The following GPC5 variants were observed in gnomAD, a reference collection of about 807,000 sequenced individuals.
The protein encoded by GPC5 is glypican-5.
GPC5 carries 47 observed loss-of-function variants against 53.9 expected under a neutral mutation model. The ratio of observed to expected loss-of-function variants is 0.87; its 90% CI spans 0.69 to 1.11. The LOEUF (loss-of-function observed/expected upper bound fraction) is 1.11, where lower values mean the gene tolerates loss of function less well. GPC5 is among the 50% of genes most tolerant of loss of function. The probability of loss-of-function intolerance (pLI) is 0.00; values close to 1 mark genes in which losing one functional copy is unlikely to be tolerated. For missense variants in GPC5, 748 were observed against 713.1 expected (o/e 1.05, Z -0.56); for synonymous variants, 286 against 263.3 (o/e 1.09, Z -0.84).
chr13:91,585,179 G>A (rs781457521), intron 2 of GPC5, among the ~76,000 whole-genome samples: 76 of 152,080 alleles, frequency 5.0e-4, no homozygotes, highest in Admixed American at 2.6e-3. Flanking sequence ...TTGACAAGAT[G>A]ATGAATTCTC....
At chr13:92,821,935 A>G (rs2138810885) in intron 7 of GPC5, among the ~76,000 whole-genome samples, 1 of 151,902 alleles carries the variant, frequency 6.6e-6, no homozygotes, top group South Asian at 2.1e-4. Context: ...AAGAAAAAAA[A>G]TGGGAGGGAA....
chr13:92,737,361 C>G (rs1319402302), intron 7 of GPC5, among the ~76,000 whole-genome samples: 1 of 152,068 alleles, frequency 6.6e-6, no homozygotes, highest in Non-Finnish European at 1.5e-5. Context: ...TCAGCTCCAG[C>G]TTCAGGCCCG....
At chr13:92,180,456 C>T (rs2042138672) in intron 7 of GPC5, among the ~76,000 whole-genome samples, 1 of 152,144 alleles carries the variant, frequency 6.6e-6, no homozygotes, top group African/African-American at 2.4e-5. Context: ...AGTAAATTCT[C>T]CAAATGTCAA....
intron 7 of GPC5, among the ~76,000 whole-genome samples, chr13:92,309,460 T>G (rs917549359): frequency 6.6e-6 from 1 of 152,118 alleles, no homozygotes; most frequent in African/African-American, 2.4e-5. Context: ...ATACACAAAA[T>G]TATTGAACCT....
intron 2 of GPC5, among the ~76,000 whole-genome samples, chr13:91,565,672 ACCGAC>A (rs1474061364): frequency 6.6e-6 from 1 of 152,238 alleles, no homozygotes; most frequent in Non-Finnish European, 1.5e-5. Flanking sequence ...AACAAATGTA[ACCGAC>A]TATTAGTTAT....
At chr13:92,771,043 A>G (rs1366066882) in intron 7 of GPC5, among the ~76,000 whole-genome samples, 2 of 152,144 alleles carry the variant, frequency 1.3e-5, no homozygotes, top group Non-Finnish European at 2.9e-5. Context: ...ACTCTCCACA[A>G]GCCTAGTGGG....
chr13:92,344,011 G>A (rs565273223), intron 7 of GPC5, among the ~76,000 whole-genome samples: 1 of 152,136 alleles, frequency 6.6e-6, no homozygotes, highest in African/African-American at 2.4e-5. Context: ...TTGTTTTCCT[G>A]CCCAGCCTGC....
intron 5 of GPC5, among the ~76,000 whole-genome samples, chr13:91,857,993 A>G (rs2038985667): frequency 3.3e-5 from 5 of 151,602 alleles, no homozygotes; most frequent in Admixed American, 3.3e-4. Flanking sequence ...TATATATCTT[A>G]TGTGTTACTA....
At chr13:92,107,659 A>T (rs1285799249) in intron 6 of GPC5, among the ~76,000 whole-genome samples, 2 of 152,128 alleles carry the variant, frequency 1.3e-5, no homozygotes, top group Admixed American at 1.3e-4. Flanking sequence ...CTCTGTATGG[A>T]TTATTTTATA....
intron 6 of GPC5, among the ~76,000 whole-genome samples, chr13:92,057,025 C>T (rs1594746646): frequency 6.6e-6 from 1 of 152,160 alleles, no homozygotes; most frequent in African/African-American, 2.4e-5. Flanking sequence ...TCCCATGCCT[C>T]TCATTGAGAG....
chr13:92,563,204 T>C (rs1439198669), intron 7 of GPC5, among the ~76,000 whole-genome samples: 1 of 152,062 alleles, frequency 6.6e-6, no homozygotes, highest in East Asian at 1.9e-4. Flanking sequence ...CTTAGCTTTT[T>C]AGAATTAATA....
At chr13:92,639,768 A>T (rs1445542250) in intron 7 of GPC5, among the ~76,000 whole-genome samples, 1 of 152,222 alleles carries the variant, frequency 6.6e-6, no homozygotes, top group Non-Finnish European at 1.5e-5. Flanking sequence ...TGCAGGAGAC[A>T]TTGAAAAGCA....
At chr13:91,727,346 G>A (rs973611759) in intron 3 of GPC5, among the ~76,000 whole-genome samples, 33 of 152,082 alleles carry the variant, frequency 2.2e-4, no homozygotes, top group Non-Finnish European at 4.7e-4. Flanking sequence ...CCCCCACTGG[G>A]CAAGGATCCC....
intron 5 of GPC5, among the ~76,000 whole-genome samples, chr13:91,779,907 G>A (rs948168955): frequency 4.6e-5 from 7 of 152,024 alleles, no homozygotes; most frequent in Non-Finnish European, 7.4e-5. Flanking sequence ...AAAATAAGTA[G>A]AAGGAGTATA....
chr13:92,453,355 T>G (rs960629524), intron 7 of GPC5, among the ~76,000 whole-genome samples: 1 of 152,090 alleles, frequency 6.6e-6, no homozygotes, highest in Non-Finnish European at 1.5e-5. Context: ...TTAATCCAAA[T>G]CAGCATGTAG....
intron 6 of GPC5, among the ~76,000 whole-genome samples, chr13:91,945,616 C>G (rs78109150): frequency 0.024 from 3,710 of 152,234 alleles, 148 homozygotes; most frequent in African/African-American, 0.085. Context: ...AATAGCAGGA[C>G]TTTCCTCTAG....
chr13:92,237,549 A>G (rs924974390), intron 7 of GPC5, among the ~76,000 whole-genome samples: 1 of 152,060 alleles, frequency 6.6e-6, no homozygotes, highest in African/African-American at 2.4e-5. Context: ...CCACATTAGC[A>G]TTAATAGAAA....
chr13:91,594,373 G>T (rs1380200169), intron 2 of GPC5, among the ~76,000 whole-genome samples: 1 of 152,104 alleles, frequency 6.6e-6, no homozygotes, highest in East Asian at 1.9e-4. Flanking sequence ...TTGTTCCATT[G>T]ATCTTGTGTA....
rs568871798 is a variant in GPC5, at chr13:91,572,028, T to C, written c.326-121159T>C. Among the ~76,000 whole-genome samples the C allele has an allele frequency of 1.0e-4, 12 of 118,082 alleles. No individual in the cohort carries two copies. In the South Asian group the frequency reaches 3.1e-3, roughly 31 times the overall value. 77.5% of individuals were successfully genotyped at this position (118,082 alleles called of 152,430 possible). ...ATATGCATATATGCATATACGTGTG[T>C]ATATATGTGTATATACACACATATG... is the stretch of plus-strand genomic sequence containing the variant. On this transcript the variant is annotated intron_variant, in intron 2 of 7. Coordinates refer to ENST00000377067, the MANE Select transcript of GPC5 (RefSeq NM_004466.6).
Sources: gnomAD v4.1 joint callset for allele counts (sites outside exome capture counted in the v4.1 genomes callset) on GRCh38, gnomAD v4.1.1 for gene constraint, MANE v1.5 for transcripts, NCBI Gene and HGNC (gene_info 2026-07-23, HGNC 2026-07-21) for gene names.